PON2: variants seen among roughly 807,000 people sequenced by gnomAD.
PON2 encodes serum paraoxonase/arylesterase 2.
Under a neutral mutation model 36.6 loss-of-function variants are expected in PON2, and 27 were observed. The observed-to-expected ratio is 0.74, with a 90% CI of 0.54 to 1.02. PON2 has a LOEUF of 1.02. Among genes scored for constraint, PON2 ranks in the 50% least tolerant of loss-of-function variants. The pLI, the probability that PON2 is intolerant of heterozygous loss-of-function variation, is 0.00. For missense variants in PON2, 363 were observed against 421.1 expected (o/e 0.86, Z 1.21); for synonymous variants, 149 against 156.3 (o/e 0.95, Z 0.35).
intron 1 of PON2, among the ~76,000 whole-genome samples, chr7:95,430,456 G>A (rs531656246): frequency 3.3e-5 from 5 of 151,862 alleles, no homozygotes; most frequent in African/African-American, 7.2e-5. Flanking sequence ...ATGTGCCACC[G>A]TGCCTGGCTA....
chr7:95,407,510 CA>C (rs1242690738), intron 6 of PON2, among the ~76,000 whole-genome samples: 2 of 152,064 alleles, frequency 1.3e-5, no homozygotes, highest in Non-Finnish European at 2.9e-5. Context: ...TTTATTAATA[CA>C]TAGCGAATTT....
At chr7:95,412,945 C>T (rs1788970001) in intron 3 of PON2, 1 of 199,594 alleles carries the variant, frequency 5.0e-6, no homozygotes, top group Non-Finnish European at 1.0e-5. Flanking sequence ...ATTTTAATGT[C>T]TCATGTCTAT....
intron 5 of PON2, among the ~76,000 whole-genome samples, chr7:95,410,765 T>C (rs138514133): frequency 1.3e-5 from 2 of 152,298 alleles, no homozygotes; most frequent in African/African-American, 2.4e-5. Flanking sequence ...AATTACTCTA[T>C]GCAAAAATTT....
At chr7:95,425,132 T>A (rs1335892457) in intron 1 of PON2, among the ~76,000 whole-genome samples, 1 of 152,172 alleles carries the variant, frequency 6.6e-6, no homozygotes, top group Non-Finnish European at 1.5e-5. Flanking sequence ...TAAATAAGAA[T>A]GTATTTATCT....
intron 6 of PON2, among the ~76,000 whole-genome samples, chr7:95,408,675 T>C (rs1277222851): frequency 1.3e-5 from 2 of 152,222 alleles, no homozygotes; most frequent in Admixed American, 6.5e-5. Flanking sequence ...TAAGGGCATT[T>C]AGTTGTCAAG....
chr7:95,419,982 ATT>A (rs998596529), intron 2 of PON2, among the ~76,000 whole-genome samples: 5 of 152,134 alleles, frequency 3.3e-5, no homozygotes, highest in African/African-American at 9.7e-5. Context: ...GTAACATATT[ATT>A]TCCTACTTTT....
chr7:95,433,845 C>T (rs1487293016), intron 1 of PON2, among the ~76,000 whole-genome samples: 2 of 152,222 alleles, frequency 1.3e-5, no homozygotes, highest in African/African-American at 4.8e-5. Context: ...CTCTAGAACT[C>T]CACCCTCAGG....
At chr7:95,423,475 G>A (rs1789242624) in intron 2 of PON2, among the ~76,000 whole-genome samples, 1 of 152,066 alleles carries the variant, frequency 6.6e-6, no homozygotes, top group Admixed American at 6.5e-5. Context: ...CTCTACCTTG[G>A]AGAAAAACTG....
At chr7:95,427,789 G>A (rs1789349647) in intron 1 of PON2, among the ~76,000 whole-genome samples, 1 of 152,074 alleles carries the variant, frequency 6.6e-6, no homozygotes, top group Non-Finnish European at 1.5e-5. Flanking sequence ...ATCCTCGCTG[G>A]CATCAGATTT....
In PON2 at chr7:95,434,953, G is replaced by T; in HGVS notation, c.-2C>A. 1.3e-6 allele frequency: 2 copies of T among 1,525,664 alleles called. No homozygotes were observed. The highest frequency in any genetic ancestry group is 1.8e-6 in the Non-Finnish European group (2 of 1,141,018). 94.5% of individuals were successfully genotyped at this position (1,525,664 alleles called of 1,614,324 possible). On this transcript the variant is annotated 5_prime_UTR_variant, in exon 1 of 9. Transcript: ENST00000222572. Reference sequence around the variant, plus strand: ...GCCCACAGCCACCAGCCGCCCCATGGCGCGGGAGCCGGGCGCGCTGCCTCG... The same window carrying T: ...GCCCACAGCCACCAGCCGCCCCATGTCGCGGGAGCCGGGCGCGCTGCCTCG...
chr7:95,410,515 C>T (rs530965515), intron 5 of PON2, among the ~76,000 whole-genome samples: 1 of 152,286 alleles, frequency 6.6e-6, no homozygotes, highest in South Asian at 2.1e-4. Context: ...TCCATTTACT[C>T]AGTTCCTGGA....
intron 2 of PON2, among the ~76,000 whole-genome samples, chr7:95,417,946 A>ATC (rs1214595409): frequency 6.6e-6 from 1 of 152,166 alleles, no homozygotes; most frequent in Admixed American, 6.5e-5. Flanking sequence ...TTTCTACAAA[A>ATC]TTGTATATTT....
intron 1 of PON2, among the ~76,000 whole-genome samples, chr7:95,426,001 G>C (rs942598606): frequency 3.3e-5 from 5 of 152,032 alleles, no homozygotes; most frequent in African/African-American, 1.2e-4. Context: ...AAATAAGCTA[G>C]AAAACCAAAT....
intron 1 of PON2, among the ~76,000 whole-genome samples, chr7:95,426,984 T>A (rs1485991795): frequency 6.6e-6 from 1 of 152,192 alleles, no homozygotes; most frequent in East Asian, 1.9e-4. Context: ...TGTTTCAGAG[T>A]CAACTTAGGT....
chr7:95,421,176 C>T (rs1254624134), intron 2 of PON2, among the ~76,000 whole-genome samples: 1 of 152,164 alleles, frequency 6.6e-6, no homozygotes, highest in Admixed American at 6.6e-5. Flanking sequence ...CACATCACAA[C>T]ATAAAGGTCA....
chr7:95,416,207 C>A, intron 3 of PON2, 35 bp downstream of exon 3: 1 of 1,611,490 alleles, frequency 6.2e-7, no homozygotes, highest in South Asian at 1.1e-5. Context: ...CTTGTATCTC[C>A]TCTGCTGAAT....
At chr7:95,415,624 A>C (rs1329352480) in intron 3 of PON2, among the ~76,000 whole-genome samples, 1 of 152,196 alleles carries the variant, frequency 6.6e-6, no homozygotes, top group Admixed American at 6.5e-5. Context: ...ATCCACAGTA[A>C]GACCTCAAAT....
At chr7:95,419,316 G>C (rs1272299250) in intron 2 of PON2, among the ~76,000 whole-genome samples, 1 of 152,106 alleles carries the variant, frequency 6.6e-6, no homozygotes, top group Non-Finnish European at 1.5e-5. Context: ...AGGGAAGTTG[G>C]GGGGGATCTG....
intron 5 of PON2, among the ~76,000 whole-genome samples, chr7:95,410,441 C>T (rs1788895315): frequency 6.6e-6 from 1 of 152,178 alleles, no homozygotes; most frequent in South Asian, 2.1e-4. Flanking sequence ...GTCCACAGTA[C>T]AGAGCTGGAG....
Sources: gnomAD v4.1 joint callset for allele counts (sites outside exome capture counted in the v4.1 genomes callset) on GRCh38, gnomAD v4.1.1 for gene constraint, MANE v1.5 for transcripts, NCBI Gene and HGNC (gene_info 2026-07-23, HGNC 2026-07-21) for gene names.